SUMF1: variants seen among roughly 807,000 people sequenced by gnomAD.
SUMF1 encodes formylglycine-generating enzyme.
SUMF1 carries 48 observed loss-of-function variants against 47.6 expected under a neutral mutation model. The observed-to-expected ratio is 1.01, with a 90% CI of 0.80 to 1.28. The LOEUF (loss-of-function observed/expected upper bound fraction) is 1.28, where lower values mean the gene tolerates loss of function less well. Among genes scored for constraint, SUMF1 ranks in the 50% most tolerant of loss-of-function variants. SUMF1 has a pLI of 0.00. For synonymous variants in SUMF1, 230 were observed against 192.1 expected (o/e 1.20, Z -1.63); for missense variants, 571 against 485.4 (o/e 1.18, Z -1.66).
chr3:4,415,592 C>T (rs966467694), intron 6 of SUMF1, among the ~76,000 whole-genome samples: 3 of 152,132 alleles, frequency 2.0e-5, no homozygotes, highest in Admixed American at 1.3e-4. Context: ...GCGGGAGGAT[C>T]GCCTGAAGTC....
In SUMF1 at chr3:4,457,243, G is replaced by C. The variant is rs568405589; in HGVS notation, c.271-4194C>G. 2.0e-5 allele frequency among the ~76,000 whole-genome samples: 3 copies of C among 151,654 alleles called. No individual in the cohort carries two copies. In the South Asian group the frequency reaches 6.3e-4, roughly 32 times the overall value. ...AGGCATGAGTTACCACACCCAGCCA[G>C]CATTTCTTTATACTAATGACAAACT... On this transcript the variant is annotated intron_variant, in intron 1 of 8. Coordinates refer to ENST00000272902, the MANE Select transcript of SUMF1 (RefSeq NM_182760.4).
intron 7 of SUMF1, among the ~76,000 whole-genome samples, chr3:4,408,408 T>C (rs1170182747): frequency 6.6e-6 from 1 of 152,228 alleles, no homozygotes; most frequent in East Asian, 1.9e-4. Context: ...ATTACACTAT[T>C]TTCTGTACTA....
intron 8 of SUMF1, among the ~76,000 whole-genome samples, chr3:4,310,068 G>A (rs560198233): frequency 1.3e-4 from 20 of 152,156 alleles, no homozygotes; most frequent in Non-Finnish European, 2.8e-4. Flanking sequence ...TACTTGTAAC[G>A]CAGTGGTGTT....
In SUMF1 at chr3:4,467,029, C is replaced by T; in HGVS notation, c.217G>A (p.Glu73Lys). 1.3e-6 allele frequency: 2 copies of T among 1,585,138 alleles called. No homozygotes were observed. The highest frequency in any genetic ancestry group is 1.7e-6 in the Non-Finnish European group (2 of 1,167,346). The change falls in exon 1 of 9, where the codon GAG becomes AAG. Residue 73 changes from glutamate to lysine, a missense_variant. By Grantham distance (56) the Glu-to-Lys change is moderately conservative. Coordinates refer to ENST00000272902, the MANE Select transcript of SUMF1 (RefSeq NM_182760.4). Reference protein sequence around the residue: ...SSAAAHRYSREANAPGPVPGE... With the variant: ...SSAAAHRYSRKANAPGPVPGE... Reference sequence around the variant, plus strand: ...GGTACGGGGCCCGGAGCGTTAGCCTCCCGCGAGTATCGGTGAGCGGCTGCC... The same window carrying T: ...GGTACGGGGCCCGGAGCGTTAGCCTTCCGCGAGTATCGGTGAGCGGCTGCC...
At chr3:4,085,875 A>G (rs113440861) in intron 8 of SUMF1, among the ~76,000 whole-genome samples, 2 of 152,208 alleles carry the variant, frequency 1.3e-5, no homozygotes, top group African/African-American at 4.8e-5. Flanking sequence ...CCATGATTTG[A>G]TATTGTTATC....
intron 9 of SUMF1, among the ~76,000 whole-genome samples, chr3:4,046,143 C>T (rs1246176622): frequency 6.6e-6 from 1 of 152,168 alleles, no homozygotes; most frequent in South Asian, 2.1e-4. Flanking sequence ...GGGGAACCTA[C>T]TCCAAATTCT....
intron 8 of SUMF1, among the ~76,000 whole-genome samples, chr3:4,350,066 T>A (rs1038766578): frequency 3.3e-5 from 5 of 151,408 alleles, no homozygotes; most frequent in African/African-American, 1.2e-4. Flanking sequence ...AGTGGCACGA[T>A]CTTGGGTCAC....
intron 8 of SUMF1, among the ~76,000 whole-genome samples, chr3:4,335,705 G>A (rs542732880): frequency 6.6e-6 from 1 of 152,184 alleles, no homozygotes; most frequent in African/African-American, 2.4e-5. Context: ...AGCACTTTGG[G>A]AGGCCAAGGC....
At chr3:4,221,424 T>C (rs1354716246) in intron 8 of SUMF1, among the ~76,000 whole-genome samples, 1 of 149,852 alleles carries the variant, frequency 6.7e-6, no homozygotes, top group Non-Finnish European at 1.5e-5. Flanking sequence ...GGTGTGTGTG[T>C]GTGTGTGTGT....
intron 8 of SUMF1, among the ~76,000 whole-genome samples, chr3:4,321,137 T>TAAGCAAA: frequency 6.6e-6 from 1 of 152,142 alleles, no homozygotes; most frequent in Non-Finnish European, 1.5e-5. Flanking sequence ...ATGATCCATG[T>TAAGCAAA]GGTAATGGAT....
In SUMF1 at chr3:4,177,801, G is replaced by A. The variant is rs138470716; in HGVS notation, c.1015-109056C>T. ...AAATTGATAGACCACTAGCAAGAAT[G>A]ATAAAGAAGAAAAGAGAGAAGAATC... is the stretch of plus-strand genomic sequence containing the variant. On this transcript the variant is annotated intron_variant and NMD_transcript_variant, in intron 8 of 12. Transcript: ENST00000448413. Among the ~76,000 whole-genome samples the A allele has an allele frequency of 6.4e-3, 974 of 151,860 alleles. 18 individuals carry two copies. The highest frequency in any genetic ancestry group is 0.023 in the African/African-American group (934 of 41,478).
intron 8 of SUMF1, among the ~76,000 whole-genome samples, chr3:4,115,768 T>C (rs1354537719): frequency 1.3e-5 from 2 of 152,194 alleles, no homozygotes; most frequent in African/African-American, 2.4e-5. Context: ...GAAATGGTCT[T>C]ATGTTTTATT....
chr3:4,202,435 T>A (rs930268889), intron 8 of SUMF1, among the ~76,000 whole-genome samples: 17 of 152,186 alleles, frequency 1.1e-4, no homozygotes, highest in Middle Eastern at 3.4e-3. Context: ...GTTGTATTTA[T>A]GAGTTCTCTA....
At chr3:4,083,553 C>T (rs1291527136) in intron 8 of SUMF1, among the ~76,000 whole-genome samples, 1 of 152,078 alleles carries the variant, frequency 6.6e-6, no homozygotes, top group Non-Finnish European at 1.5e-5. Flanking sequence ...TCTAATTCCC[C>T]CAATATTCTG....
At chr3:4,337,565 C>T (rs73014295) in intron 8 of SUMF1, among the ~76,000 whole-genome samples, 23,213 of 152,060 alleles carry the variant, frequency 0.15, 1,833 homozygotes, top group Middle Eastern at 0.23. Flanking sequence ...AACCTCTGCT[C>T]ACCATGGTAC....
chr3:4,184,123 T>TA (rs933402291), intron 8 of SUMF1, among the ~76,000 whole-genome samples: 14 of 149,506 alleles, frequency 9.4e-5, no homozygotes, highest in Admixed American at 2.7e-4. Flanking sequence ...TGATGCCATG[T>TA]GACCCTGTCT....
At chr3:4,253,145 C>T (rs1696846092) in intron 8 of SUMF1, among the ~76,000 whole-genome samples, 1 of 152,142 alleles carries the variant, frequency 6.6e-6, no homozygotes, top group Non-Finnish European at 1.5e-5. Context: ...ATGACACAAG[C>T]TCAGTTTGGT....
At position 4,149,607 on chromosome 3, in the gene SUMF1, T is replaced by G. The variant is rs531193188; in HGVS notation, c.1015-80862A>C. Among the ~76,000 whole-genome samples, 45 of 152,264 alleles carry G rather than the reference T, an allele frequency of 3.0e-4. 1 individual carries two copies. The highest frequency in any genetic ancestry group is 1.1e-3 in the African/African-American group (44 of 41,552). The stretch of plus-strand genomic sequence containing the variant: ...TCAGACTGCGCCAATATATCTGTCC[T>G]TCCAAAATTTTGCATGTACTATAGA... On this transcript the variant is annotated intron_variant and NMD_transcript_variant, in intron 8 of 12. Transcript: ENST00000448413.
intron 8 of SUMF1, among the ~76,000 whole-genome samples, chr3:4,245,403 C>T (rs1052172696): frequency 6.6e-6 from 1 of 152,164 alleles, no homozygotes; most frequent in African/African-American, 2.4e-5. Flanking sequence ...AATGTTGGGA[C>T]CTACAGATGG....
Sources: allele counts gnomAD v4.1 joint callset (sites outside exome capture counted in the v4.1 genomes callset), GRCh38; gene constraint gnomAD v4.1.1; transcripts MANE v1.5; gene names NCBI Gene and HGNC (gene_info 2026-07-23, HGNC 2026-07-21).